The following EFR3A variants were observed in gnomAD, a reference collection of about 807,000 sequenced individuals.
EFR3A encodes protein EFR3 homolog A.
A neutral mutation model predicts 104.4 loss-of-function variants in EFR3A; 76 were observed. That is an observed-to-expected ratio of 0.73 (90% CI 0.60 to 0.88). EFR3A has a LOEUF of 0.88. Ranked by LOEUF, EFR3A falls within the 40% of genes least tolerant of loss-of-function variation. EFR3A has a pLI of 0.00. For synonymous variants in EFR3A, 330 were observed against 330.0 expected, an observed-to-expected ratio of 1.00 and a Z score of 0.00; for missense variants, 985 against 1,012.5, an observed-to-expected ratio of 0.97 and a Z score of 0.37.
intron 8 of EFR3A, among the ~76,000 whole-genome samples, chr8:131,967,409 A>G (rs1343382670): frequency 1.3e-5 from 2 of 152,016 alleles, no homozygotes; most frequent in African/African-American, 4.8e-5. Flanking sequence ...AAAGAAAGGT[A>G]ACCAGCCTGA....
chr8:131,985,073 G>GC lies in EFR3A; in HGVS notation c.1869+13_1869+14insC, dbSNP rs1563691574. ...GCATGTTAGCAAGGTAATGTATTTA[G>GC]AAAAGTCCTTAAACTTGAATTTTGT... is the stretch of plus-strand genomic sequence containing the variant. On this transcript the variant is annotated intron_variant, in intron 16 of 22. Transcript: ENST00000254624. 5.6e-6 allele frequency: 9 copies of GC among 1,603,292 alleles called. No homozygotes were observed. Among genetic ancestry groups the GC allele is most frequent in the Non-Finnish European group, 7.7e-6 (9 of 1,173,660 alleles).
intron 4 of EFR3A, 28 bp downstream of exon 4, chr8:131,946,661 G>A (rs1818457028): frequency 1.3e-6 from 2 of 1,509,394 alleles, no homozygotes; most frequent in Non-Finnish European, 8.9e-7. Flanking sequence ...GTTACTAAAT[G>A]TATGCTTAAT....
chr8:132,010,407 G>GATATACATATATATATAT (rs1554610360), intron 22 of EFR3A, among the ~76,000 whole-genome samples: 5 of 81,890 alleles, frequency 6.1e-5, no homozygotes, highest in African/African-American at 2.5e-4. Context: ...TCAAGTATGA[G>GATATACATATATATATAT]ATATATATAT....
intron 2 of EFR3A, among the ~76,000 whole-genome samples, chr8:131,941,241 A>G (rs1462302237): frequency 6.6e-6 from 1 of 151,992 alleles, no homozygotes; most frequent in Non-Finnish European, 1.5e-5. Flanking sequence ...TTTATTTGTG[A>G]AGATTACTGG....
chr8:131,918,412 G>A (rs1027063070), intron 1 of EFR3A, among the ~76,000 whole-genome samples: 1 of 152,180 alleles, frequency 6.6e-6, no homozygotes, highest in African/African-American at 2.4e-5. Context: ...GTTTTAGTTG[G>A]AAGATTGGAG....
At chr8:131,949,470 G>GT (rs1014887946) in intron 4 of EFR3A, among the ~76,000 whole-genome samples, 6 of 152,086 alleles carry the variant, frequency 3.9e-5, no homozygotes, top group Admixed American at 1.3e-4. Context: ...CACAGATTAT[G>GT]TTTTTTTCTT....
chr8:131,944,823 T>C lies in EFR3A; in HGVS notation c.166T>C (p.Ser56Pro), dbSNP rs768632978. Residue 56 changes from serine (S) to proline (P), a missense_variant, in exon 3 of 23, where the codon TCT becomes CCT. By Grantham distance (74) the Ser-to-Pro change is moderately conservative (BLOSUM62 -1). Transcript: ENST00000254624. ...TCCAGAGAAACTGGATCGAATTGGT[T>C]CTTACCTGGCAGAAAGGTTGAGCAG... ...SAPEKLDRIG[S>P]YLAERLSRDV... is the part of the protein sequence containing the mutation. The C allele has an allele frequency of 6.2e-7, 1 of 1,610,750 alleles. No individual in the cohort carries two copies. The highest frequency in any genetic ancestry group is 2.2e-5 in the East Asian group (1 of 44,694).
Position 131,944,886 on chromosome 8 carries a change from T to A in EFR3A, c.215+14T>A. 6.2e-7 allele frequency: 1 copy of A among 1,603,956 alleles called. No individual in the cohort carries two copies. Among genetic ancestry groups the A allele is most frequent in the South Asian group, 1.1e-5 (1 of 88,444 alleles). Reference sequence around the variant, plus strand: ...ACATCGTTCTGGGTAAGGAAACTAATGGCTGCTAAAATAGTATCTTTGGAA... The same window carrying A: ...ACATCGTTCTGGGTAAGGAAACTAAAGGCTGCTAAAATAGTATCTTTGGAA... On this transcript the variant is annotated intron_variant, in intron 3 of 22. Coordinates refer to ENST00000254624, the MANE Select transcript of EFR3A (RefSeq NM_015137.6).
intron 10 of EFR3A, among the ~76,000 whole-genome samples, chr8:131,972,292 G>A (rs1263485990): frequency 6.8e-6 from 1 of 146,020 alleles, no homozygotes; most frequent in East Asian, 2.0e-4. Context: ...CCTTACTTGA[G>A]TAAGCGGTTC....
In EFR3A at chr8:131,970,208, T is replaced by TATA. The variant is rs1423710148; in HGVS notation, c.992-268_992-267insATA. ...TAGAAAGTTTTTGGTAATTCTTATATGCCTATACACATTTTTTAAGGGTGG... is the reference window on the plus strand; with the variant it reads ...TAGAAAGTTTTTGGTAATTCTTATATATAGCCTATACACATTTTTTAAGGGTGG... On this transcript the variant is annotated intron_variant, in intron 9 of 22. Coordinates refer to ENST00000254624, the MANE Select transcript of EFR3A (RefSeq NM_015137.6). Among the ~76,000 whole-genome samples, 3 of 152,350 alleles carry TATA rather than the reference T, an allele frequency of 2.0e-5. No individual in the cohort carries two copies. The East Asian group carries it at 5.8e-4, about 29-fold the overall frequency.
chr8:131,919,715 T>C (rs1816910499), intron 1 of EFR3A, among the ~76,000 whole-genome samples: 1 of 151,998 alleles, frequency 6.6e-6, no homozygotes, highest in South Asian at 2.1e-4. Context: ...ATGTGAATTT[T>C]CAGATGCTCC....
At chr8:131,905,043 A>G (rs1256385151) in intron 1 of EFR3A, among the ~76,000 whole-genome samples, 1 of 152,232 alleles carries the variant, frequency 6.6e-6, no homozygotes, top group Non-Finnish European at 1.5e-5. Flanking sequence ...ATTTTTAGAC[A>G]GACGCGATAC....
intron 19 of EFR3A, among the ~76,000 whole-genome samples, chr8:131,998,835 C>G (rs1821635553): frequency 6.6e-6 from 1 of 151,738 alleles, no homozygotes; most frequent in Non-Finnish European, 1.5e-5. Context: ...TAGACGAATG[C>G]TTCCCAATGC....
intron 22 of EFR3A, among the ~76,000 whole-genome samples, chr8:132,004,265 C>G (rs1213926648): frequency 1.3e-5 from 2 of 152,196 alleles, no homozygotes; most frequent in Non-Finnish European, 1.5e-5. Context: ...AACCCTCAGT[C>G]CAGAGACCTG....
intron 1 of EFR3A, among the ~76,000 whole-genome samples, chr8:131,906,752 C>T (rs1229166529): frequency 2.0e-5 from 3 of 152,156 alleles, no homozygotes; most frequent in Non-Finnish European, 2.9e-5. Context: ...ATTTTGTGGT[C>T]GTGTTACAAG....
intron 1 of EFR3A, among the ~76,000 whole-genome samples, chr8:131,924,544 C>T (rs769633382): frequency 6.6e-6 from 1 of 152,092 alleles, no homozygotes; most frequent in Non-Finnish European, 1.5e-5. Context: ...TCTGATTCTT[C>T]TCTAAGGCCC....
At chr8:131,944,170 T>C (rs918215014) in intron 2 of EFR3A, among the ~76,000 whole-genome samples, 2 of 152,070 alleles carry the variant, frequency 1.3e-5, no homozygotes, top group African/African-American at 2.4e-5. Flanking sequence ...ATGCACCTGT[T>C]GCACATCATC....
intron 1 of EFR3A, among the ~76,000 whole-genome samples, chr8:131,915,049 C>T (rs1816684843): frequency 6.6e-6 from 1 of 152,126 alleles, no homozygotes; most frequent in Non-Finnish European, 1.5e-5. Context: ...TTCATCCAGT[C>T]TGTCATTGAT....
chr8:131,977,307 T>C (rs1820373301), intron 12 of EFR3A, among the ~76,000 whole-genome samples: 1 of 152,146 alleles, frequency 6.6e-6, no homozygotes, highest in African/African-American at 2.4e-5. Flanking sequence ...TGATGAAACA[T>C]ACAGAGGGCA....
Sources: gnomAD v4.1 joint callset for allele counts (sites outside exome capture counted in the v4.1 genomes callset) on GRCh38, gnomAD v4.1.1 for gene constraint, MANE v1.5 for transcripts, NCBI Gene and HGNC (gene_info 2026-07-23, HGNC 2026-07-21) for gene names.